Variants in OR14A2 observed in about 807,000 individuals in gnomAD.
The protein encoded by OR14A2 is olfactory receptor family 14 subfamily A member 2.
For synonymous variants in OR14A2, 114 were observed against 58.6 expected (o/e 1.95, Z -4.32); for missense variants, 237 against 152.9 (o/e 1.55, Z -2.90).
At chr1:247,723,208 A>C (rs1289823780) in exon 1 of OR14A2, 2 of 717,678 alleles carry the variant, frequency 2.8e-6, no homozygotes. Context: ...TACTGGAGGC[A>C]TCACAGTGTA....
the OR14A2 span, among the ~76,000 whole-genome samples, chr1:247,736,358 T>C: frequency 8.5e-5 from 13 of 152,172 alleles, no homozygotes; most frequent in Non-Finnish European, 1.6e-4. Context: ...GTGTATTATA[T>C]GTATTTTCCC....
the OR14A2 span, among the ~76,000 whole-genome samples, chr1:247,737,870 G>A: frequency 1.3e-5 from 2 of 152,058 alleles, no homozygotes; most frequent in Non-Finnish European, 2.9e-5. Context: ...CCTGTCTGTC[G>A]CTTCCTGTGT....
At chr1:247,743,421 A>G in the OR14A2 span, among the ~76,000 whole-genome samples, 1 of 152,218 alleles carries the variant, frequency 6.6e-6, no homozygotes, top group Non-Finnish European at 1.5e-5. Flanking sequence ...CAGCCCAACC[A>G]GAGATTGGCC....
the OR14A2 span, among the ~76,000 whole-genome samples, chr1:247,742,977 C>T: frequency 2.6e-5 from 4 of 152,042 alleles, no homozygotes; most frequent in Non-Finnish European, 4.4e-5. Context: ...AAATATAATT[C>T]GTATAACTAA....
At chr1:247,737,845 G>T in the OR14A2 span, among the ~76,000 whole-genome samples, 148 of 152,264 alleles carry the variant, frequency 9.7e-4, no homozygotes, top group African/African-American at 3.3e-3. Flanking sequence ...TCTCTGGTTA[G>T]ATGCAGTAGA....
At chr1:247,739,157 C>T in the OR14A2 span, 1 of 780,838 alleles carries the variant, frequency 1.3e-6, no homozygotes, top group Non-Finnish European at 2.4e-6. Context: ...ATGTCCCTGC[C>T]CTACTAAAGC....
the OR14A2 span, among the ~76,000 whole-genome samples, chr1:247,741,644 T>G: frequency 6.6e-5 from 10 of 152,284 alleles, no homozygotes; most frequent in South Asian, 2.1e-3. Context: ...AATCAAAGTT[T>G]CAATGGAAAA....
the OR14A2 span, chr1:247,738,947 C>A: frequency 5.1e-6 from 4 of 780,592 alleles, no homozygotes; most frequent in Non-Finnish European, 9.6e-6. Flanking sequence ...CAGAGATTGG[C>A]ATCCTTACTG....
At chr1:247,727,750 G>A (rs565374429), upstream of OR14A2, among the ~76,000 whole-genome samples, 3,354 of 146,596 alleles carry the variant, frequency 0.023, 99 homozygotes, top group African/African-American at 0.085. Context: ...TATCACCACC[G>A]ATCCCACAGA....
chr1:247,723,082 G>A (rs1660237428), downstream of OR14A2: 1 of 696,334 alleles, frequency 1.4e-6, no homozygotes, highest in Admixed American at 2.1e-5. Flanking sequence ...CTGTATCACT[G>A]ACAGAACTTG....
At chr1:247,738,258 T>G in the OR14A2 span, among the ~76,000 whole-genome samples, 3 of 152,208 alleles carry the variant, frequency 2.0e-5, no homozygotes, top group Admixed American at 6.5e-5. Context: ...TATTTATACA[T>G]GAAAATGTAT....
At chr1:247,736,505 A>T in the OR14A2 span, among the ~76,000 whole-genome samples, 1 of 152,204 alleles carries the variant, frequency 6.6e-6, no homozygotes, top group Non-Finnish European at 1.5e-5. Flanking sequence ...AAGCACACAG[A>T]CTTTTAAACT....
chr1:247,732,300 A>G, the OR14A2 span, among the ~76,000 whole-genome samples: 1 of 152,230 alleles, frequency 6.6e-6, no homozygotes, highest in South Asian at 2.1e-4. Flanking sequence ...TAAGCTCACC[A>G]CTGTTGTGTT....
chr1:247,737,501 A>C, the OR14A2 span, among the ~76,000 whole-genome samples: 2 of 152,158 alleles, frequency 1.3e-5, no homozygotes, highest in Non-Finnish European at 2.9e-5. Context: ...CAACATGAGC[A>C]AGTTCATGGC....
At chr1:247,727,894 A>G (rs1334753578), upstream of OR14A2, among the ~76,000 whole-genome samples, 1 of 146,382 alleles carries the variant, frequency 6.8e-6, no homozygotes, top group Non-Finnish European at 1.5e-5. Context: ...ATCTCTGAAT[A>G]GACCAATAAC....
exon 1 of OR14A2, chr1:247,723,103 A>G (rs1660238015): frequency 9.9e-6 from 7 of 709,616 alleles, no homozygotes; most frequent in Non-Finnish European, 1.6e-5. Flanking sequence ...AAAGTGTTAA[A>G]TGAAGTAAGC....
the OR14A2 span, among the ~76,000 whole-genome samples, chr1:247,742,740 G>A: frequency 7.9e-5 from 12 of 152,284 alleles, no homozygotes; most frequent in South Asian, 4.1e-4. Context: ...AAACTAATAT[G>A]TGGAAATAAT....
chr1:247,727,897 C>G (rs866039861), upstream of OR14A2, among the ~76,000 whole-genome samples: 2,389 of 143,432 alleles, frequency 0.017, 63 homozygotes, highest in African/African-American at 0.065. Context: ...TCTGAATAGA[C>G]CAATAACAGG....
At chr1:247,725,517 T>A (rs565662077), upstream of OR14A2, among the ~76,000 whole-genome samples, 32 of 148,350 alleles carry the variant, frequency 2.2e-4, no homozygotes, top group East Asian at 1.4e-3. Flanking sequence ...TTATTTATTT[T>A]TTATTTATTT....
Sources: allele counts gnomAD v4.1 joint callset (sites outside exome capture counted in the v4.1 genomes callset), GRCh38; gene constraint gnomAD v4.1.1; transcripts MANE v1.5; gene names NCBI Gene and HGNC (gene_info 2026-07-23, HGNC 2026-07-21).